XRCC3: variants seen among roughly 807,000 people sequenced by gnomAD.
XRCC3 encodes the protein X-ray repair cross complementing 3.
A neutral mutation model predicts 29.2 loss-of-function variants in XRCC3; 34 were observed. The ratio of observed to expected loss-of-function variants is 1.16; its 90% CI spans 0.88 to 1.55. The LOEUF is 1.55. Among genes scored for constraint, XRCC3 ranks in the 40% most tolerant of loss-of-function variants. XRCC3 has a pLI of 0.00. For synonymous variants in XRCC3, 223 were observed against 211.3 expected, an observed-to-expected ratio of 1.06 and a Z score of -0.48; for missense variants, 463 against 467.6, an observed-to-expected ratio of 0.99 and a Z score of 0.09.
At chr14:103,704,393 C>T (rs1391362630) in intron 6 of XRCC3, 1 of 152,174 alleles carries the variant, frequency 6.6e-6, no homozygotes, top group Non-Finnish European at 1.5e-5. Context: ...TTAAAAGCCA[C>T]TGAATTTATT....
chr14:103,706,433 T>C, intron 6 of XRCC3: 4 of 455,918 alleles, frequency 8.8e-6, no homozygotes, highest in South Asian at 4.6e-5. Flanking sequence ...AGGGAATTAG[T>C]TTAAAAGTTA....
At position 103,711,525 on chromosome 14, in the gene XRCC3, G is replaced by A. The variant is rs2083629740; in HGVS notation, c.-218C>T. On this transcript the variant is annotated 5_prime_UTR_variant, in exon 3 of 10. Coordinates refer to ENST00000555055, the MANE Select transcript of XRCC3 (RefSeq NM_005432.4). ...GGCTGACTTGACTGAGGCATCTCTTGCACTCTGCAGTTTAATTTCCCTTAA... is the reference window on the plus strand; with the variant it reads ...GGCTGACTTGACTGAGGCATCTCTTACACTCTGCAGTTTAATTTCCCTTAA... 1 of 462,226 alleles carries A rather than the reference G, an allele frequency of 2.2e-6. No homozygotes were observed. The highest frequency in any genetic ancestry group is 4.3e-6 in the Non-Finnish European group (1 of 231,078). 28.6% of individuals were successfully genotyped at this position (462,226 alleles called of 1,614,324 possible). A position where few individuals can be genotyped will look rare whatever the true frequency, so the allele number is the denominator to read the frequency against.
At position 103,698,978 on chromosome 14, in the gene XRCC3, G is replaced by A. The variant is rs748447059; in HGVS notation, c.861C>T (p.Thr287=). 1.3e-6 allele frequency: 2 copies of A among 1,598,888 alleles called. No homozygotes were observed. The highest frequency in any genetic ancestry group is 8.5e-7 in the Non-Finnish European group (1 of 1,172,870). Residue 287 remains threonine (T), a synonymous_variant, in exon 10 of 10, where the codon ACC becomes ACT. Transcript: ENST00000555055. The part of the protein sequence containing the change: ...DERVSPALGI[T]WANQLLVRLL... ...GTCTCACCAGGAGCTGGTTAGCCCA[G>A]GTTATGCCAAGGGCTGGGGAAACAC...
At chr14:103,710,977 T>TTA in intron 4 of XRCC3, 56 bp downstream of exon 4, 1 of 1,587,098 alleles carries the variant, frequency 6.3e-7, no homozygotes, top group Non-Finnish European at 8.7e-7. Flanking sequence ...TTAACCTGCC[T>TTA]TATATAAACT....
At chr14:103,714,610 CA>C (rs959232069) in intron 1 of XRCC3, among the ~76,000 whole-genome samples, 3 of 151,716 alleles carry the variant, frequency 2.0e-5, no homozygotes, top group Admixed American at 6.6e-5. Context: ...CAGACTGTCT[CA>C]AAAAAAACAA....
chr14:103,710,976 C>G, intron 4 of XRCC3, 57 bp downstream of exon 4: 1 of 1,584,250 alleles, frequency 6.3e-7, no homozygotes, highest in Non-Finnish European at 8.7e-7. Flanking sequence ...GTTAACCTGC[C>G]TTATATAAAC....
At chr14:103,702,849 G>A (rs867340190) in intron 7 of XRCC3, 11 of 381,752 alleles carry the variant, frequency 2.9e-5, no homozygotes, top group South Asian at 2.0e-4. Context: ...CCTGCTCTCC[G>A]TATCCAGTCG....
At chr14:103,706,116 GAC>G (rs2083426703) in intron 6 of XRCC3, 1 of 348,402 alleles carries the variant, frequency 2.9e-6, no homozygotes. Context: ...CCCTCCACCC[GAC>G]ACGGAGGCTC....
intron 5 of XRCC3, 89 bp from the exon 6 acceptor site, chr14:103,707,304 C>A (rs2083469738): frequency 2.0e-6 from 3 of 1,481,608 alleles, no homozygotes; most frequent in African/African-American, 2.8e-5. Context: ...CCTGCCTGTG[C>A]CAGGTGCAGT....
chr14:103,703,603 T>G, intron 6 of XRCC3: 1 of 476,594 alleles, frequency 2.1e-6, no homozygotes, highest in East Asian at 4.1e-5. Context: ...TGGGCTGGAA[T>G]GGCCACAGAT....
intron 6 of XRCC3, 102 bp downstream of exon 6, chr14:103,706,901 C>T (rs1205646905): frequency 8.6e-6 from 11 of 1,282,248 alleles, no homozygotes; most frequent in Middle Eastern, 2.5e-4. Flanking sequence ...ATGGTAGGAA[C>T]AGCGCAAGAG....
intron 6 of XRCC3, chr14:103,706,622 T>C (rs2083446378): frequency 2.6e-6 from 1 of 380,320 alleles, no homozygotes. Context: ...ATACCTGGCC[T>C]GGCGGCGGGG....
chr14:103,710,608 A>G lies in XRCC3; in HGVS notation c.55+425T>C, dbSNP rs559622196. ...ACAAAAAAATTAGCCGGGCGTGGTG[A>G]CTGGCGCCTGTAGTCCCAGCTACTC... On this transcript the variant is annotated intron_variant, in intron 4 of 9. Transcript: ENST00000555055. The G allele has an allele frequency of 1.8e-4, 30 of 169,116 alleles. No homozygotes were observed. The South Asian group carries it at 3.1e-3, about 17-fold the overall frequency. The allele number at this position is 169,116 out of a possible 1,614,324, so 10.5% of individuals were successfully genotyped here.
chr14:103,707,988 T>A (rs770468555), intron 5 of XRCC3: 2 of 224,414 alleles, frequency 8.9e-6, no homozygotes, highest in African/African-American at 4.6e-5. Context: ...AGCACGTTCC[T>A]CGGGGCCTGG....
chr14:103,710,957 C>A, intron 4 of XRCC3, 76 bp downstream of exon 4: 3 of 1,489,440 alleles, frequency 2.0e-6, no homozygotes, highest in African/African-American at 1.4e-5. Context: ...CTTAGCCAGC[C>A]AGCGTTTTGT....
intron 7 of XRCC3, chr14:103,701,809 G>A (rs1253800518): frequency 2.6e-5 from 4 of 151,502 alleles, no homozygotes; most frequent in Admixed American, 1.3e-4. Context: ...GGGAGGTGGA[G>A]CTTGCAGTGA....
chr14:103,700,648 T>A, intron 7 of XRCC3: 2 of 1,605,688 alleles, frequency 1.2e-6, no homozygotes, highest in Non-Finnish European at 1.7e-6. Flanking sequence ...CTGTGCTTCA[T>A]CTCCAGGGCG....
At chr14:103,700,097 C>A (rs2083020682) in intron 7 of XRCC3, 1 of 216,492 alleles carries the variant, frequency 4.6e-6, no homozygotes, top group Non-Finnish European at 9.4e-6. Flanking sequence ...TCAGGCGTTA[C>A]TCAGGCGAGT....
chr14:103,702,809 G>A, intron 7 of XRCC3: 1 of 297,242 alleles, frequency 3.4e-6, no homozygotes, highest in Non-Finnish European at 6.6e-6. Context: ...ATCCAGTTTT[G>A]GCAATCCCTG....
Sources: allele counts gnomAD v4.1 joint callset (sites outside exome capture counted in the v4.1 genomes callset), GRCh38; gene constraint gnomAD v4.1.1; transcripts MANE v1.5; gene names NCBI Gene and HGNC (gene_info 2026-07-23, HGNC 2026-07-21).